OSBP2: variants seen among roughly 807,000 people sequenced by gnomAD.
The protein encoded by OSBP2 is oxysterol binding protein 2, also known as oxysterol-binding protein 2.
OSBP2 carries 66 observed loss-of-function variants against 96.0 expected under a neutral mutation model. The ratio of observed to expected loss-of-function variants is 0.69; its 90% confidence interval spans 0.56 to 0.84. OSBP2 has a LOEUF of 0.84. Among genes scored for constraint, OSBP2 ranks in the 40% least tolerant of loss-of-function variants. The pLI, the probability that OSBP2 is intolerant of heterozygous loss-of-function variation, is 0.00. For missense variants in OSBP2, 1,038 were observed against 1,222.7 expected, an observed-to-expected ratio of 0.85 and a Z score of 2.25; for synonymous variants, 525 against 520.9, an observed-to-expected ratio of 1.01 and a Z score of -0.11.
intron 2 of OSBP2, among the ~76,000 whole-genome samples, chr22:30,771,641 G>A (rs1206687665): frequency 6.6e-6 from 1 of 152,238 alleles, no homozygotes; most frequent in Non-Finnish European, 1.5e-5. Flanking sequence ...TCATTTGTCA[G>A]CCTAGGTTGC....
intron 2 of OSBP2, among the ~76,000 whole-genome samples, chr22:30,792,987 C>A (rs1602271055): frequency 6.6e-6 from 1 of 152,212 alleles, no homozygotes; most frequent in Non-Finnish European, 1.5e-5. Context: ...GGATTTTAAT[C>A]CAAGACTATC....
intron 12 of OSBP2, chr22:30,894,409 A>G (rs1055155789): frequency 1.1e-5 from 2 of 175,814 alleles, no homozygotes; most frequent in Admixed American, 1.1e-4. Flanking sequence ...AGAATCTATC[A>G]CCTGAACACA....
At chr22:30,820,091 C>T (rs1229681668) in intron 2 of OSBP2, among the ~76,000 whole-genome samples, 2 of 152,296 alleles carry the variant, frequency 1.3e-5, no homozygotes, top group East Asian at 3.9e-4. Flanking sequence ...ATTCAAAACA[C>T]AGCTCTGACC....
At chr22:30,801,063 T>C (rs5753323) in intron 2 of OSBP2, among the ~76,000 whole-genome samples, 12 of 152,186 alleles carry the variant, frequency 7.9e-5, no homozygotes, top group Admixed American at 7.9e-4. Context: ...CCTTCTGTCA[T>C]AAGACCTTCC....
intron 2 of OSBP2, among the ~76,000 whole-genome samples, chr22:30,826,615 C>A (rs188700453): frequency 6.6e-4 from 100 of 152,290 alleles, no homozygotes; most frequent in African/African-American, 2.1e-3. Flanking sequence ...AGGCTGTAAG[C>A]TACCAGAGAT....
intron 8 of OSBP2, 83 bp downstream of exon 8, chr22:30,891,056 G>C: frequency 6.6e-7 from 1 of 1,505,920 alleles, no homozygotes; most frequent in Non-Finnish European, 9.0e-7. Context: ...TGACAAATGG[G>C]AGGCAGCGTC....
Position 30,695,344 on chromosome 22 carries a change from A to G in OSBP2, c.435A>G (p.Pro145=), listed in dbSNP as rs2089008372. ...TFLRPESGSL[P]ALKPLPLLRP... ...TCAGACCCGAGTCAGGATCGCTGCCAGCGTTAAAGCCCCTGCCTCTTCTGC... is the reference window on the plus strand; with the variant it reads ...TCAGACCCGAGTCAGGATCGCTGCCGGCGTTAAAGCCCCTGCCTCTTCTGC... Residue 145 remains proline, a synonymous_variant, in exon 1 of 14, where the codon CCA becomes CCG. Coordinates refer to ENST00000332585, the MANE Select transcript of OSBP2 (RefSeq NM_030758.4). 2 of 1,613,538 alleles carry G rather than the reference A, an allele frequency of 1.2e-6. No homozygotes were observed.
At chr22:30,698,859 C>G (rs899146761) in intron 1 of OSBP2, among the ~76,000 whole-genome samples, 1 of 152,180 alleles carries the variant, frequency 6.6e-6, no homozygotes, top group African/African-American at 2.4e-5. Flanking sequence ...TATTCCTAAT[C>G]CTGGTCGCCA....
intron 2 of OSBP2, among the ~76,000 whole-genome samples, chr22:30,791,479 C>T (rs578007668): frequency 6.6e-6 from 1 of 151,406 alleles, no homozygotes; most frequent in Non-Finnish European, 1.5e-5. Flanking sequence ...GGCGTGTGCC[C>T]CCAAACCTGG....
intron 2 of OSBP2, among the ~76,000 whole-genome samples, chr22:30,865,305 C>T (rs1032465983): frequency 1.3e-5 from 2 of 152,082 alleles, no homozygotes; most frequent in Non-Finnish European, 1.5e-5. Context: ...CCCCTGGTTC[C>T]GAGCCTCTAT....
At chr22:30,793,070 T>C (rs2090699942) in intron 2 of OSBP2, among the ~76,000 whole-genome samples, 1 of 152,182 alleles carries the variant, frequency 6.6e-6, no homozygotes, top group South Asian at 2.1e-4. Flanking sequence ...AATTAGATTG[T>C]AGTTCAGCTA....
rs5844926 is a variant in OSBP2 at position 30,843,452 on chromosome 22, C to CG, written c.854-26977_854-26976insG. On this transcript the variant is annotated intron_variant, in intron 2 of 13. Coordinates refer to ENST00000332585, the MANE Select transcript of OSBP2 (RefSeq NM_030758.4). ...ACGTTTTCAGGAATCTTTCCCCCCT[C>CG]CCCCTTGAGCAATAGGTCCTGACAG... 3.0e-3 allele frequency among the ~76,000 whole-genome samples: 252 copies of CG among 83,808 alleles called. 1 individual carries two copies. The highest frequency in any genetic ancestry group is 0.012 in the African/African-American group (210 of 18,168). The allele number at this position is 83,808 out of a possible 152,430, so 55.0% of individuals were successfully genotyped here.
intron 2 of OSBP2, among the ~76,000 whole-genome samples, chr22:30,770,224 T>C (rs568130421): frequency 6.6e-6 from 1 of 151,736 alleles, no homozygotes; most frequent in Non-Finnish European, 1.5e-5. Flanking sequence ...CTTAGCCTCC[T>C]GAGTAGCTGG....
intron 2 of OSBP2, among the ~76,000 whole-genome samples, chr22:30,775,574 G>A (rs569459097): frequency 3.9e-5 from 6 of 152,074 alleles, no homozygotes; most frequent in East Asian, 3.9e-4. Context: ...AGCCGAGATC[G>A]CACCACTTCA....
chr22:30,711,799 TTC>T (rs1358407572), intron 1 of OSBP2, among the ~76,000 whole-genome samples: 1 of 152,072 alleles, frequency 6.6e-6, no homozygotes. Context: ...AGAACTCATT[TTC>T]TCTGTGTTTC....
intron 2 of OSBP2, among the ~76,000 whole-genome samples, chr22:30,850,153 A>C (rs2038951878): frequency 6.6e-6 from 1 of 151,988 alleles, no homozygotes; most frequent in Non-Finnish European, 1.5e-5. Flanking sequence ...AAAATACAAA[A>C]AAATTAGCCG....
intron 2 of OSBP2, among the ~76,000 whole-genome samples, chr22:30,744,585 A>G (rs2089976092): frequency 6.6e-6 from 1 of 151,858 alleles, no homozygotes; most frequent in African/African-American, 2.4e-5. Flanking sequence ...ACATGGTGAA[A>G]CCCCATCTCT....
intron 3 of OSBP2, among the ~76,000 whole-genome samples, chr22:30,879,195 C>A (rs2039648604): frequency 6.6e-6 from 1 of 152,228 alleles, no homozygotes; most frequent in African/African-American, 2.4e-5. Context: ...AGCTGCCCTC[C>A]CTTGTCCCTC....
intron 1 of OSBP2, among the ~76,000 whole-genome samples, chr22:30,735,210 T>A (rs2145729827): frequency 6.6e-6 from 1 of 152,094 alleles, no homozygotes; most frequent in East Asian, 1.9e-4. Context: ...AATAAAACCC[T>A]TAATAAAAAG....
Sources: allele counts gnomAD v4.1 joint callset (sites outside exome capture counted in the v4.1 genomes callset), GRCh38; gene constraint gnomAD v4.1.1; transcripts MANE v1.5; gene names NCBI Gene and HGNC (gene_info 2026-07-23, HGNC 2026-07-21).